Variants in IL6ST observed in about 807,000 individuals in gnomAD.
IL6ST encodes the protein interleukin-6 receptor subunit beta.
A neutral mutation model predicts 91.3 loss-of-function variants in IL6ST; 24 were observed. The observed-to-expected ratio is 0.26, with a 90% CI of 0.19 to 0.37. IL6ST has a LOEUF of 0.37. IL6ST is among the 10% of genes least tolerant of loss of function. The pLI, the probability that IL6ST is intolerant of heterozygous loss-of-function variation, is 1.00. For missense variants in IL6ST, 914 were observed against 1,078.5 expected, an observed-to-expected ratio of 0.85 and a Z score of 2.14; for synonymous variants, 351 against 373.6, an observed-to-expected ratio of 0.94 and a Z score of 0.70.
At chr5:55,954,382 AT>A (rs1368963058) in intron 11 of IL6ST, among the ~76,000 whole-genome samples, 1 of 152,198 alleles carries the variant, frequency 6.6e-6, no homozygotes, top group Non-Finnish European at 1.5e-5. Context: ...ATTGAAAGAC[AT>A]AAGGAAATCT....
At chr5:55,971,228 T>C (rs564581575) in intron 3 of IL6ST, among the ~76,000 whole-genome samples, 10 of 152,340 alleles carry the variant, frequency 6.6e-5, no homozygotes, top group Admixed American at 5.2e-4. Flanking sequence ...TACTCTGTAG[T>C]CATCTTCCAA....
intron 2 of IL6ST, among the ~76,000 whole-genome samples, chr5:55,980,378 C>A (rs1289140345): frequency 6.6e-6 from 1 of 152,074 alleles, no homozygotes; most frequent in African/African-American, 2.4e-5. Context: ...GGTGAAACCC[C>A]GTCCATACTA....
At chr5:55,964,406 G>T (rs1752519418) in intron 5 of IL6ST, 94 bp from the exon 6 acceptor site, 1 of 759,690 alleles carries the variant, frequency 1.3e-6, no homozygotes, top group Non-Finnish European at 2.1e-6. Context: ...ATGAGACCTA[G>T]ATTGTTGTAG....
Position 55,939,202 on chromosome 5 carries a change from A to T in IL6ST, c.*1880T>A, listed in dbSNP as rs544509. 1 of 214,452 alleles carries T rather than the reference A, an allele frequency of 4.7e-6. No homozygotes were observed. The highest frequency in any genetic ancestry group is 9.4e-6 in the Non-Finnish European group (1 of 106,140). 13.3% of individuals were successfully genotyped at this position (214,452 alleles called of 1,614,324 possible). ...CTTTGATGATCAACTTAAAAGCTGGAGATGTCATTATCTTGTTGTGTAAAT... is the reference window on the plus strand; with the variant it reads ...CTTTGATGATCAACTTAAAAGCTGGTGATGTCATTATCTTGTTGTGTAAAT... On this transcript the variant is annotated 3_prime_UTR_variant, in exon 17 of 17. Coordinates refer to ENST00000381298, the MANE Select transcript of IL6ST (RefSeq NM_002184.4).
chr5:55,984,876 T>C (rs1202081784), intron 1 of IL6ST, among the ~76,000 whole-genome samples: 2 of 152,150 alleles, frequency 1.3e-5, no homozygotes, highest in Non-Finnish European at 2.9e-5. Flanking sequence ...TCTATTACAG[T>C]AGCCCCTAGG....
rs1063560 is a variant in IL6ST, at chr5:55,976,257, G to C, written c.22C>G (p.Leu8Val). MLTLQTWLVQALFIFLTT... is the reference protein window; with the variant it reads MLTLQTWVVQALFIFLTT... ...AGGAAAATAAACAAGGCTTGCACTAGCCAAGTCTGCAACGTCAACATCTTG... is the reference window on the plus strand; with the variant it reads ...AGGAAAATAAACAAGGCTTGCACTACCCAAGTCTGCAACGTCAACATCTTG... The change falls in exon 3 of 17, where the codon CTA (leucine) becomes GTA (valine). Residue 8 changes from leucine (L) to valine (V), a missense_variant. Transcript: ENST00000381298. 0.012 allele frequency: 18,879 copies of C among 1,586,984 alleles called. 200 individuals are homozygous for C. The highest frequency in any genetic ancestry group is 0.034 in the South Asian group (2,976 of 86,718).
intron 5 of IL6ST, among the ~76,000 whole-genome samples, 192 bp downstream of exon 5, chr5:55,968,084 G>A (rs969211991): frequency 3.3e-5 from 5 of 152,040 alleles, no homozygotes; most frequent in African/African-American, 9.7e-5. Flanking sequence ...GGCATGGGCC[G>A]CCGCGCCTGG....
At chr5:55,942,497 A>G (rs2111595010) in intron 16 of IL6ST, among the ~76,000 whole-genome samples, 173 bp downstream of exon 16, 1 of 152,318 alleles carries the variant, frequency 6.6e-6, no homozygotes, top group East Asian at 1.9e-4. Context: ...TTAAATTTTG[A>G]TTAAAATTTT....
intron 2 of IL6ST, among the ~76,000 whole-genome samples, chr5:55,977,978 A>G (rs564973457): frequency 3.6e-4 from 54 of 152,110 alleles, no homozygotes; most frequent in African/African-American, 1.3e-3. Flanking sequence ...CAGCCTGGGC[A>G]ACAAAGCGAA....
chr5:55,948,866 A>C (rs1751439939), intron 14 of IL6ST: 1 of 152,266 alleles, frequency 6.6e-6, no homozygotes, highest in South Asian at 2.1e-4. Context: ...TACTGTCTAC[A>C]TAGTCCACAG....
rs752029992 is a variant in IL6ST, at chr5:55,951,944, T to C, written c.1684A>G (p.Ile562Val). Residue 562 changes from isoleucine to valine, a missense_variant, in exon 13 of 17, where the codon ATT becomes GTT. Physicochemically the swap from Ile to Val is conservative, Grantham distance 29. Coordinates refer to ENST00000381298, the MANE Select transcript of IL6ST (RefSeq NM_002184.4). ...GTTTTATTACCAGTTTCATTTCCAA[T>C]GATGGTTCTATAAAATATAGTATAA... ...RNYTIFYRTI[I>V]GNETAVNVDS... The C allele has an allele frequency of 6.8e-7, 1 of 1,467,154 alleles. No homozygotes were observed. The highest frequency in any genetic ancestry group is 1.8e-5 in the Admixed American group (1 of 56,460). The allele number at this position is 1,467,154 out of a possible 1,614,324, so 90.9% of individuals were successfully genotyped here.
chr5:55,948,688 A>G (rs1217099956), intron 14 of IL6ST, among the ~76,000 whole-genome samples: 1 of 152,138 alleles, frequency 6.6e-6, no homozygotes, highest in Non-Finnish European at 1.5e-5. Context: ...TTTATTAAAC[A>G]TCTGCTTTTA....
chr5:55,960,512 T>C lies in IL6ST; in HGVS notation c.863A>G (p.Asp288Gly). Residue 288 changes from aspartate (D) to glycine (G), a missense_variant, in exon 8 of 17, where the codon GAC becomes GGC. Transcript: ENST00000381298. ...ASTRSSFTVQDLKPFTEYVFR... is the reference protein window; with the variant it reads ...ASTRSSFTVQGLKPFTEYVFR... ...CACATATTCTGTAAAAGGTTTAAGG[T>C]CTTGGACAGTGAATGAAGATCGGGT... 1 of 1,614,062 alleles carries C rather than the reference T, an allele frequency of 6.2e-7. No homozygotes were observed. The highest frequency in any genetic ancestry group is 2.2e-5 in the East Asian group (1 of 44,880).
rs1750915170 is a variant in IL6ST at position 55,941,548 on chromosome 5, T to C, written c.2291A>G (p.His764Arg). Residue 764 changes from histidine to arginine, a missense_variant, in exon 17 of 17, where the codon CAC becomes CGC. Physicochemically the swap from His to Arg is conservative, Grantham distance 29. Coordinates refer to ENST00000381298, the MANE Select transcript of IL6ST (RefSeq NM_002184.4). ...SSTVQYSTVV[H>R]SGYRHQVPSV... ...CGGAACTTGGTGTCTGTAGCCACTG[T>C]GTACCACGGTAGAATACTGGACAGT... 6.2e-7 allele frequency: 1 copy of C among 1,614,186 alleles called. No individual in the cohort carries two copies. Among genetic ancestry groups the C allele is most frequent in the African/African-American group, 1.3e-5 (1 of 75,052 alleles).
chr5:55,993,786 G>A (rs1388834142), intron 1 of IL6ST, among the ~76,000 whole-genome samples: 1 of 152,002 alleles, frequency 6.6e-6, no homozygotes, highest in Non-Finnish European at 1.5e-5. Flanking sequence ...TTCCAAATAG[G>A]AATTAACATG....
At chr5:55,984,535 G>A (rs886363761) in intron 1 of IL6ST, among the ~76,000 whole-genome samples, 2 of 152,156 alleles carry the variant, frequency 1.3e-5, no homozygotes, top group African/African-American at 4.8e-5. Context: ...CAACGACGAT[G>A]GCTACCACCA....
chr5:55,970,556 T>C (rs1752902360), intron 3 of IL6ST, among the ~76,000 whole-genome samples: 1 of 152,012 alleles, frequency 6.6e-6, no homozygotes, highest in Non-Finnish European at 1.5e-5. Context: ...AGCATGGTGG[T>C]GCACGCCTAT....
chr5:55,988,180 G>A (rs923343465), intron 1 of IL6ST, among the ~76,000 whole-genome samples: 1 of 151,466 alleles, frequency 6.6e-6, no homozygotes, highest in African/African-American at 2.4e-5. Context: ...GCATCTATAG[G>A]TTTAAAGGTA....
intron 2 of IL6ST, chr5:55,978,456 G>C (rs1753447958): frequency 6.6e-6 from 1 of 152,382 alleles, no homozygotes. Flanking sequence ...GGCTGGGCAT[G>C]GTGGCTCACG....
Sources: gnomAD v4.1 joint callset for allele counts (sites outside exome capture counted in the v4.1 genomes callset) on GRCh38, gnomAD v4.1.1 for gene constraint, MANE v1.5 for transcripts, NCBI Gene and HGNC (gene_info 2026-07-23, HGNC 2026-07-21) for gene names.